GTF3C2: variants seen among roughly 807,000 people sequenced by gnomAD.
The protein encoded by GTF3C2 is general transcription factor 3C polypeptide 2.
In GTF3C2, 17 loss-of-function variants were observed where a neutral mutation model predicts 117.4. The observed-to-expected ratio is 0.14, with a 90% CI of 0.10 to 0.22. The LOEUF (loss-of-function observed/expected upper bound fraction) is 0.22. Ranked by LOEUF, GTF3C2 falls within the 10% of genes least tolerant of loss-of-function variation. The pLI is 1.00. For synonymous variants in GTF3C2, 437 were observed against 427.0 expected, an observed-to-expected ratio of 1.02 and a Z score of -0.29; for missense variants, 888 against 1,143.6, an observed-to-expected ratio of 0.78 and a Z score of 3.22.
chr2:27,326,343 AC>A (rs1680072315), exon 19 of GTF3C2: 1 of 465,448 alleles, frequency 2.1e-6, no homozygotes, highest in Admixed American at 3.2e-5. Context: ...AACACCCAGT[AC>A]CTTTACTTGG....
rs1400148095 is a variant in GTF3C2, at chr2:27,329,640, A to G, written c.1733-117T>C. On this transcript the variant is annotated intron_variant, in intron 12 of 18. Transcript: ENST00000264720. The surrounding 1 kb of genome is among the most constrained non-coding windows in gnomAD (Gnocchi z 4.5). The stretch of plus-strand genomic sequence containing the variant: ...CTACCCTCAGATCCAAACCACTATG[A>G]AAGGATGTGGGGATCCTGATTAGCT... 7 of 941,366 alleles carry G rather than the reference A, an allele frequency of 7.4e-6. No individual in the cohort carries two copies. The highest frequency in any genetic ancestry group is 1.1e-5 in the Non-Finnish European group (7 of 614,626). The allele number at this position is 941,366 out of a possible 1,614,324, so 58.3% of individuals were successfully genotyped here. A position where few individuals can be genotyped will look rare whatever the true frequency, so the allele number is the denominator to read the frequency against.
intron 12 of GTF3C2, among the ~76,000 whole-genome samples, chr2:27,331,154 T>G (rs983062642): frequency 6.6e-6 from 1 of 152,186 alleles, no homozygotes; most frequent in Non-Finnish European, 1.5e-5. Context: ...GTAGAGGCAC[T>G]CAATCAAGTT....
At chr2:27,326,952 C>T in intron 18 of GTF3C2, 59 bp from the exon 19 acceptor site, 1 of 1,107,328 alleles carries the variant, frequency 9.0e-7, no homozygotes, top group Non-Finnish European at 1.3e-6. Context: ...TAGGGTGACT[C>T]CTAGCTGTAT....
At chr2:27,341,715 G>A in intron 4 of GTF3C2, 1 of 528,630 alleles carries the variant, frequency 1.9e-6, no homozygotes, top group Non-Finnish European at 3.4e-6. Context: ...CGTTTGTTGT[G>A]TTTCCTAACA....
chr2:27,325,955 T>C, exon 19 of GTF3C2: 1 of 196,832 alleles, frequency 5.1e-6, no homozygotes, highest in Non-Finnish European at 1.1e-5. Context: ...TGACTAGATT[T>C]CCTAACATCC....
intron 1 of GTF3C2, among the ~76,000 whole-genome samples, chr2:27,346,493 A>G (rs777486724): frequency 6.6e-6 from 1 of 150,868 alleles, no homozygotes; most frequent in South Asian, 2.1e-4. Flanking sequence ...TTGGGACTAC[A>G]GGCATGCACC....
chr2:27,344,203 T>A (rs1444721402), intron 1 of GTF3C2, among the ~76,000 whole-genome samples: 1 of 151,998 alleles, frequency 6.6e-6, no homozygotes, highest in African/African-American at 2.4e-5. Flanking sequence ...TTTGTATTTT[T>A]AATAGAGATG....
chr2:27,336,078 G>C (rs758181434), intron 8 of GTF3C2, 50 bp from the exon 9 acceptor site: 5 of 1,411,292 alleles, frequency 3.5e-6, no homozygotes, highest in Non-Finnish European at 5.0e-6. Context: ...AGGGACGCAG[G>C]GCTGCCAGAG....
chr2:27,328,582 G>C, exon 16 of GTF3C2: 5 of 1,611,356 alleles, frequency 3.1e-6, no homozygotes, highest in Non-Finnish European at 3.4e-6. Context: ...CAAGCCAGTC[G>C]GATCCTGAAA....
chr2:27,329,287 A>G lies in GTF3C2; in HGVS notation c.1878-5T>C, dbSNP rs774171667. The G allele has an allele frequency of 6.2e-7, 1 of 1,614,162 alleles. No homozygotes were observed. Among genetic ancestry groups the G allele is most frequent in the South Asian group, 1.1e-5 (1 of 91,074 alleles). ...CCCGCAGAGACAAGGAAATGGCTGTAAAAAGACGGGAGAAGGTCAAATCCA... is the reference window on the plus strand; with the variant it reads ...CCCGCAGAGACAAGGAAATGGCTGTGAAAAGACGGGAGAAGGTCAAATCCA... On this transcript the variant is annotated splice_region_variant and splice_polypyrimidine_tract_variant and intron_variant, in intron 13 of 18. Coordinates refer to ENST00000264720, the Ensembl canonical transcript of GTF3C2. The surrounding 1 kb of genome is among the most constrained non-coding windows in gnomAD (Gnocchi z 4.5).
At position 27,327,313 on chromosome 2, in the gene GTF3C2, G is replaced by A. The variant is rs201399608; in HGVS notation, c.2410-29C>T. ...GGGAAGGGAAATGGAATAGGAGAGA[G>A]AAAGTGAGACGCTCGTTTGTTTTTT... On this transcript the variant is annotated intron_variant, in intron 17 of 18. Coordinates refer to ENST00000264720, the Ensembl canonical transcript of GTF3C2. 326 of 1,177,018 alleles carry A rather than the reference G, an allele frequency of 2.8e-4. 2 individuals are homozygous for A. In the African/African-American group the frequency reaches 3.0e-3, roughly 11 times the overall value. The allele number at this position is 1,177,018 out of a possible 1,614,324, so 72.9% of individuals were successfully genotyped here. A position where few individuals can be genotyped will look rare whatever the true frequency, so the allele number is the denominator to read the frequency against.
chr2:27,349,880 T>G (rs1032185916), intron 1 of GTF3C2, among the ~76,000 whole-genome samples: 2 of 151,466 alleles, frequency 1.3e-5, no homozygotes, highest in Non-Finnish European at 2.9e-5. Flanking sequence ...CCTCAAATGA[T>G]CCCCCTGCCT....
intron 1 of GTF3C2, chr2:27,356,111 A>T (rs1156534716): frequency 7.8e-7 from 1 of 1,289,138 alleles, no homozygotes; most frequent in East Asian, 5.5e-5. Context: ...CAACAAAGTG[A>T]GTTGCCTCCG....
exon 3 of GTF3C2, chr2:27,342,891 T>A (rs1399549312): frequency 3.7e-6 from 6 of 1,614,122 alleles, no homozygotes; most frequent in Admixed American, 3.3e-5. Context: ...GGGGCCTCTT[T>A]GGAGATTGAG....
At chr2:27,351,371 G>A (rs1195105935) in intron 1 of GTF3C2, among the ~76,000 whole-genome samples, 2 of 151,850 alleles carry the variant, frequency 1.3e-5, no homozygotes, top group South Asian at 2.1e-4. Flanking sequence ...CTGAGATCGC[G>A]CCACTGCACT....
At chr2:27,328,710 C>T (rs1030589763) in intron 15 of GTF3C2, 114 bp from the exon 16 acceptor site, 17 of 1,094,408 alleles carry the variant, frequency 1.6e-5, no homozygotes, top group African/African-American at 1.2e-4. Context: ...TTACCATAAC[C>T]GACAGCCCTG....
chr2:27,326,646 TCACTC>T, exon 19 of GTF3C2: 1 of 1,548,796 alleles, frequency 6.5e-7, no homozygotes, highest in Non-Finnish European at 8.9e-7. Flanking sequence ...TTGACCGACT[TCACTC>T]CAAGGATCTG....
intron 12 of GTF3C2, among the ~76,000 whole-genome samples, chr2:27,331,880 A>C (rs1411186665): frequency 6.6e-6 from 1 of 152,096 alleles, no homozygotes; most frequent in East Asian, 1.9e-4. Context: ...TCCAGGACGC[A>C]GTGAGCCAAG....
At position 27,334,086 on chromosome 2, in the gene GTF3C2, C is replaced by T. The variant is rs541585294; in HGVS notation, c.1577-87G>A. On this transcript the variant is annotated intron_variant, in intron 10 of 18. Coordinates refer to ENST00000264720, the Ensembl canonical transcript of GTF3C2. Reference sequence around the variant, plus strand: ...TGTCACCCAGGCCCGAGTGCAGTGGCATGATCATGGCTCACTGCAGCCTCC... The same window carrying T: ...TGTCACCCAGGCCCGAGTGCAGTGGTATGATCATGGCTCACTGCAGCCTCC... The T allele has an allele frequency of 2.0e-5, 19 of 950,894 alleles. No individual in the cohort carries two copies. The African/African-American group carries it at 3.0e-4, about 15-fold the overall frequency. The allele number at this position is 950,894 out of a possible 1,614,324, so 58.9% of individuals were successfully genotyped here.
Sources: allele counts gnomAD v4.1 joint callset (sites outside exome capture counted in the v4.1 genomes callset), GRCh38; gene constraint gnomAD v4.1.1; non-coding constraint Gnocchi (gnomAD v3.1); transcripts MANE v1.5; gene names NCBI Gene and HGNC (gene_info 2026-07-23, HGNC 2026-07-21).